The following VPS45 variants were observed in gnomAD, a reference collection of about 807,000 sequenced individuals.
The protein encoded by VPS45 is vacuolar protein sorting-associated protein 45.
Under a neutral mutation model 75.9 loss-of-function variants are expected in VPS45, and 35 were observed. That is an observed-to-expected ratio of 0.46 (90% CI 0.35 to 0.61). The LOEUF is 0.61. VPS45 is among the 20% of genes least tolerant of loss of function. The pLI is 0.00. For missense variants in VPS45, 559 were observed against 685.9 expected, an observed-to-expected ratio of 0.81 and a Z score of 2.07; for synonymous variants, 220 against 238.2, an observed-to-expected ratio of 0.92 and a Z score of 0.70.
intron 14 of VPS45, among the ~76,000 whole-genome samples, chr1:150,123,061 A>G (rs1426231481): frequency 6.6e-6 from 1 of 151,402 alleles, no homozygotes; most frequent in Non-Finnish European, 1.5e-5. Flanking sequence ...CACTAATCTA[A>G]CTTCTGTCTC....
In VPS45 at chr1:150,129,192, T is replaced by C. The variant is rs141082815; in HGVS notation, c.1626-15517T>C. Among the ~76,000 whole-genome samples, 193 of 152,280 alleles carry C rather than the reference T, an allele frequency of 1.3e-3. 1 individual carries two copies. Among genetic ancestry groups the C allele is most frequent in the Non-Finnish European group, 1.6e-3 (111 of 68,028 alleles). On this transcript the variant is annotated intron_variant, in intron 14 of 14. Coordinates refer to ENST00000644510, the MANE Select transcript of VPS45 (RefSeq NM_007259.5). Reference sequence around the variant, plus strand: ...AAAGATGAAGACATGTTCTGTATCTTTAAGGATCTCAATGTCTAATAGGAA... The same window carrying C: ...AAAGATGAAGACATGTTCTGTATCTCTAAGGATCTCAATGTCTAATAGGAA...
rs74632055 is a variant in VPS45, at chr1:150,094,688, G to A, written c.1493+1040G>A. 2.2e-3 allele frequency among the ~76,000 whole-genome samples: 334 copies of A among 152,268 alleles called. 3 individuals carry two copies. The East Asian group carries it at 0.029, about 13-fold the overall frequency. On this transcript the variant is annotated intron_variant, in intron 13 of 14. Transcript: ENST00000644510. The stretch of plus-strand genomic sequence containing the variant: ...TGTCAGCTAAGTGGGAAGAATGAAC[G>A]CCAGCCCAAAGTTATGCACCTATCT...
In VPS45 at chr1:150,144,921, G is replaced by A; in HGVS notation, c.*125G>A. 5.8e-6 allele frequency: 9 copies of A among 1,550,582 alleles called. No homozygotes were observed. Among genetic ancestry groups the A allele is most frequent in the Non-Finnish European group, 7.8e-6 (9 of 1,152,216 alleles). ...GGTTGTTAGAACTCATCTCCAGGTA[G>A]CCCACGGATACGTGGTTGGCACAGA... is the stretch of plus-strand genomic sequence containing the variant. On this transcript the variant is annotated 3_prime_UTR_variant, in exon 15 of 15. Coordinates refer to ENST00000644510, the MANE Select transcript of VPS45 (RefSeq NM_007259.5).
At chr1:150,137,344 C>G (rs1207236451) in intron 14 of VPS45, among the ~76,000 whole-genome samples, 1 of 152,186 alleles carries the variant, frequency 6.6e-6, no homozygotes, top group African/African-American at 2.4e-5. Flanking sequence ...GTTCATTTGG[C>G]AAACAATTCA....
chr1:150,095,352 G>T (rs1451207135), intron 13 of VPS45, among the ~76,000 whole-genome samples: 9 of 152,138 alleles, frequency 5.9e-5, no homozygotes, highest in Non-Finnish European at 1.3e-4. Context: ...GGTGGCTCAC[G>T]CCTGTAATCC....
intron 2 of VPS45, among the ~76,000 whole-genome samples, chr1:150,069,895 G>A (rs1654947745): frequency 2.0e-5 from 3 of 152,054 alleles, no homozygotes; most frequent in African/African-American, 7.2e-5. Context: ...TTGCTTTTCT[G>A]ATAAGGGCAA....
intron 10 of VPS45, among the ~76,000 whole-genome samples, chr1:150,089,509 C>T (rs1656216628): frequency 3.3e-5 from 5 of 151,938 alleles, no homozygotes; most frequent in South Asian, 4.1e-4. Context: ...TACAGGCACC[C>T]GCCACTACAT....
At chr1:150,144,091 A>G (rs782693230) in intron 14 of VPS45, among the ~76,000 whole-genome samples, 1 of 145,294 alleles carries the variant, frequency 6.9e-6, no homozygotes, top group Non-Finnish European at 1.5e-5. Flanking sequence ...ACAACAGGAT[A>G]TAATCTGTAT....
At chr1:150,080,415 A>T (rs1050922307) in intron 7 of VPS45, among the ~76,000 whole-genome samples, 1 of 152,220 alleles carries the variant, frequency 6.6e-6, no homozygotes, top group Non-Finnish European at 1.5e-5. Flanking sequence ...AAGTGCTGGG[A>T]TTACAGGCAT....
chr1:150,135,813 AT>A (rs1189090917), intron 14 of VPS45, among the ~76,000 whole-genome samples: 1 of 148,098 alleles, frequency 6.8e-6, no homozygotes, highest in Non-Finnish European at 1.5e-5. Context: ...TAATTTTTGT[AT>A]TTTTAGTAGA....
chr1:150,102,248 A>AC (rs1415750491), intron 13 of VPS45, among the ~76,000 whole-genome samples: 2 of 148,652 alleles, frequency 1.3e-5, no homozygotes, highest in Admixed American at 6.7e-5. Flanking sequence ...AAAAAAAAAA[A>AC]AAAAAACAAA....
chr1:150,068,510 T>C, intron 1 of VPS45, 120 bp from the exon 2 acceptor site: 1 of 918,290 alleles, frequency 1.1e-6, no homozygotes, highest in African/African-American at 1.7e-5. Flanking sequence ...AGTAAATGTT[T>C]TCCGTATATT....
At chr1:150,144,292 A>G (rs993770992) in intron 14 of VPS45, among the ~76,000 whole-genome samples, 26 of 152,072 alleles carry the variant, frequency 1.7e-4, no homozygotes, top group Non-Finnish European at 3.8e-4. Context: ...CACTCTGGAG[A>G]GTAGATTGGA....
intron 12 of VPS45, among the ~76,000 whole-genome samples, chr1:150,092,837 CT>C (rs11451750): frequency 3.2e-5 from 3 of 94,432 alleles, no homozygotes; most frequent in Middle Eastern, 0.011. Context: ...GCTAGCCTTT[CT>C]TTTTTTTTTT....
At chr1:150,124,189 G>A (rs1184853858) in intron 14 of VPS45, among the ~76,000 whole-genome samples, 1 of 152,130 alleles carries the variant, frequency 6.6e-6, no homozygotes, top group Non-Finnish European at 1.5e-5. Flanking sequence ...GGCTGAACAC[G>A]GTGGCTTACT....
chr1:150,068,822 A>C, intron 2 of VPS45, 58 bp downstream of exon 2: 1 of 1,416,406 alleles, frequency 7.1e-7, no homozygotes, highest in Non-Finnish European at 9.4e-7. Context: ...TCTGATCTGA[A>C]AGCATTAAGA....
chr1:150,140,331 A>G (rs995782211), intron 14 of VPS45, among the ~76,000 whole-genome samples: 3 of 151,960 alleles, frequency 2.0e-5, no homozygotes, highest in Non-Finnish European at 4.4e-5. Flanking sequence ...ATTATAGTTA[A>G]GAAGACAAAC....
At chr1:150,138,060 A>T (rs1186930512) in intron 14 of VPS45, among the ~76,000 whole-genome samples, 3 of 151,828 alleles carry the variant, frequency 2.0e-5, no homozygotes, top group Non-Finnish European at 4.4e-5. Context: ...AGTTGTTTAC[A>T]CTCACTGTCT....
At chr1:150,089,577 G>A (rs1656220029) in intron 10 of VPS45, among the ~76,000 whole-genome samples, 1 of 152,036 alleles carries the variant, frequency 6.6e-6, no homozygotes, top group African/African-American at 2.4e-5. Context: ...GGCCAGGCTG[G>A]TCTCGAACTC....
Sources: allele counts gnomAD v4.1 joint callset (sites outside exome capture counted in the v4.1 genomes callset), GRCh38; gene constraint gnomAD v4.1.1; transcripts MANE v1.5; gene names NCBI Gene and HGNC (gene_info 2026-07-23, HGNC 2026-07-21).